The following TF variants were observed in gnomAD, a reference collection of about 807,000 sequenced individuals.
TF encodes serotransferrin.
Under a neutral mutation model 82.4 loss-of-function variants are expected in TF, and 55 were observed. The observed-to-expected ratio is 0.67, with a 90% CI of 0.54 to 0.84. The LOEUF (loss-of-function observed/expected upper bound fraction) is 0.84. TF is among the 40% of genes least tolerant of loss of function. The pLI, the probability that TF is intolerant of heterozygous loss-of-function variation, is 0.00. For missense variants in TF, 737 were observed against 868.4 expected (o/e 0.85, Z 1.90); for synonymous variants, 332 against 332.6 (o/e 1.00, Z 0.02).
rs1238542897 is a variant in TF at position 133,781,450 on chromosome 3, AATT to A, written c.*2832_*2834del. ...AATAATAGTGAGTTAGGACAATAAT[AATT>A]AACAAGAATAAATAAAATGTATCAT... is the stretch of plus-strand genomic sequence containing the variant. On this transcript the variant is annotated 3_prime_UTR_variant, in exon 17 of 17. Transcript: ENST00000402696. 2 of 152,022 alleles carry A rather than the reference AATT, an allele frequency of 1.3e-5. No homozygotes were observed. Among genetic ancestry groups the A allele is most frequent in the Non-Finnish European group, 2.9e-5 (2 of 68,004 alleles). 9.4% of individuals were successfully genotyped at this position (152,022 alleles called of 1,614,324 possible).
chr3:133,714,229 C>A, the TF span, among the ~76,000 whole-genome samples: 2 of 152,104 alleles, frequency 1.3e-5, no homozygotes, highest in African/African-American at 4.8e-5. Context: ...CTGGCTGTCT[C>A]GGAGCCCTGT....
At chr3:133,776,045 C>T (rs1292669773) in intron 15 of TF, among the ~76,000 whole-genome samples, 3 of 152,202 alleles carry the variant, frequency 2.0e-5, no homozygotes, top group African/African-American at 7.2e-5. Context: ...CTCCTGGTCA[C>T]TGGTGATTAG....
At chr3:133,670,712 A>G in the TF span, among the ~76,000 whole-genome samples, 1 of 152,384 alleles carries the variant, frequency 6.6e-6, no homozygotes, top group African/African-American at 2.4e-5. Flanking sequence ...GCCCAATACT[A>G]TAGCAGACAG....
upstream of TF, among the ~76,000 whole-genome samples, chr3:133,745,276 G>A (rs1933468622): frequency 6.6e-6 from 1 of 152,176 alleles, no homozygotes; most frequent in African/African-American, 2.4e-5. Context: ...TGGTCAGGTT[G>A]GATAAGAAGT....
At chr3:133,683,510 A>G in the TF span, among the ~76,000 whole-genome samples, 370 of 152,314 alleles carry the variant, frequency 2.4e-3, 1 homozygote, top group African/African-American at 8.4e-3. Context: ...AGGAAGATCT[A>G]CCAAGCAAAT....
At chr3:133,769,237 C>T (rs975674447) in intron 13 of TF, among the ~76,000 whole-genome samples, 6 of 152,176 alleles carry the variant, frequency 3.9e-5, no homozygotes, top group African/African-American at 1.2e-4. Context: ...TCCTATTTTC[C>T]AGTTAGAGCC....
chr3:133,749,928 G>C (rs532060986), intron 2 of TF, among the ~76,000 whole-genome samples: 1 of 152,128 alleles, frequency 6.6e-6, no homozygotes, highest in African/African-American at 2.4e-5. Context: ...AGGTAGAAAG[G>C]GCTGGTCAGT....
At chr3:133,672,775 G>A in the TF span, among the ~76,000 whole-genome samples, 1 of 146,686 alleles carries the variant, frequency 6.8e-6, no homozygotes, top group Non-Finnish European at 1.5e-5. Context: ...GGGAGGGAAG[G>A]GGAGGGGGAC....
At chr3:133,759,398 T>G in intron 9 of TF, 69 bp downstream of exon 9, 1 of 1,590,410 alleles carries the variant, frequency 6.3e-7, no homozygotes, top group Admixed American at 1.7e-5. Context: ...AAGACTGAGC[T>G]AGGGAGTGTT....
upstream of TF, among the ~76,000 whole-genome samples, chr3:133,741,453 A>G (rs1576351350): frequency 6.6e-6 from 1 of 152,324 alleles, no homozygotes; most frequent in East Asian, 1.9e-4. Context: ...TCCCGTAAAA[A>G]GGATGACCAG....
At chr3:133,747,932 TA>T (rs547298759) in intron 1 of TF, among the ~76,000 whole-genome samples, 923 of 142,368 alleles carry the variant, frequency 6.5e-3, no homozygotes, top group Non-Finnish European at 6.5e-3. Flanking sequence ...GACCTTGGGT[TA>T]AAAAAAAAAA....
the TF span, among the ~76,000 whole-genome samples, chr3:133,706,339 G>A: frequency 6.6e-6 from 1 of 152,186 alleles, no homozygotes; most frequent in Non-Finnish European, 1.5e-5. Flanking sequence ...GATGGCAGGG[G>A]AGTTGATCAG....
At chr3:133,699,572 A>G in the TF span, 1 of 663,070 alleles carries the variant, frequency 1.5e-6, no homozygotes, top group Non-Finnish European at 2.6e-6. Context: ...TCATGGCCTG[A>G]AGTGTGGGTG....
the TF span, among the ~76,000 whole-genome samples, chr3:133,738,193 C>A: frequency 6.6e-6 from 1 of 152,158 alleles, no homozygotes; most frequent in Admixed American, 6.5e-5. Flanking sequence ...ATCACATAAA[C>A]AGAACCAATG....
chr3:133,784,832 T>A lies in TF; in HGVS notation c.*6212T>A, dbSNP rs865798275. ...CCTGAGAAGGAAGAGAGGACAGTTCTGTGCCACACTGGTCATATTTAGAAG... is the reference window on the plus strand; with the variant it reads ...CCTGAGAAGGAAGAGAGGACAGTTCAGTGCCACACTGGTCATATTTAGAAG... On this transcript the variant is annotated 3_prime_UTR_variant, in exon 17 of 17. Coordinates refer to ENST00000402696, the MANE Select transcript of TF (RefSeq NM_001063.4). 1 of 152,348 alleles carries A rather than the reference T, an allele frequency of 6.6e-6. No homozygotes were observed. The highest frequency in any genetic ancestry group is 2.4e-5 in the African/African-American group (1 of 41,486). The allele number at this position is 152,348 out of a possible 1,614,324, so 9.4% of individuals were successfully genotyped here.
chr3:133,748,768 G>A, intron 2 of TF, 184 bp downstream of exon 2: 2 of 756,364 alleles, frequency 2.6e-6, no homozygotes, highest in Admixed American at 2.4e-5. Flanking sequence ...GAAAGCAAAA[G>A]TCAAAAAGCA....
intron 8 of TF, 34 bp downstream of exon 8, chr3:133,757,980 C>A: frequency 6.2e-7 from 1 of 1,610,180 alleles, no homozygotes; most frequent in Non-Finnish European, 8.5e-7. Context: ...TGACCACAAG[C>A]ACTTGGGAAA....
chr3:133,699,303 C>A, the TF span: 6 of 386,080 alleles, frequency 1.6e-5, no homozygotes, highest in Non-Finnish European at 3.0e-5. Flanking sequence ...TAGTCCTTAT[C>A]TGTATAAAAT....
chr3:133,784,879 T>C lies in TF; in HGVS notation c.*6259T>C, dbSNP rs560000018. On this transcript the variant is annotated 3_prime_UTR_variant, in exon 17 of 17. Transcript: ENST00000402696. Reference sequence around the variant, plus strand: ...GAAGACATTTTCATATTCCAACCATTGTTCTGTGTGTGCATTTTATTTCTC... The same window carrying C: ...GAAGACATTTTCATATTCCAACCATCGTTCTGTGTGTGCATTTTATTTCTC... The C allele has an allele frequency of 1.3e-5, 2 of 152,424 alleles. No individual in the cohort carries two copies. Among genetic ancestry groups the C allele is most frequent in the East Asian group, 3.9e-4 (2 of 5,190 alleles). 9.4% of individuals were successfully genotyped at this position (152,424 alleles called of 1,614,324 possible). A position where few individuals can be genotyped will look rare whatever the true frequency, so the allele number is the denominator to read the frequency against.
Sources: allele counts gnomAD v4.1 joint callset (sites outside exome capture counted in the v4.1 genomes callset), GRCh38; gene constraint gnomAD v4.1.1; transcripts MANE v1.5; gene names NCBI Gene and HGNC (gene_info 2026-07-23, HGNC 2026-07-21).